SDK1: variants seen among roughly 807,000 people sequenced by gnomAD.
SDK1 encodes sidekick cell adhesion molecule 1, also known as protein sidekick-1.
Under a neutral mutation model 245.5 loss-of-function variants are expected in SDK1, and 157 were observed. The observed-to-expected ratio is 0.64, with a 90% CI of 0.56 to 0.73. The LOEUF is 0.73. SDK1 is among the 30% of genes least tolerant of loss of function. SDK1 has a pLI of 0.00. For synonymous variants in SDK1, 1,647 were observed against 1,278.5 expected, an observed-to-expected ratio of 1.29 and a Z score of -6.15; for missense variants, 3,583 against 3,002.3, an observed-to-expected ratio of 1.19 and a Z score of -4.52.
chr7:3,686,594 T>C (rs1466482097), intron 4 of SDK1, among the ~76,000 whole-genome samples: 2 of 151,014 alleles, frequency 1.3e-5, no homozygotes, highest in Non-Finnish European at 2.9e-5. Flanking sequence ...TAAATCTAAA[T>C]ATGCAGGTAC....
chr7:4,047,734 T>G (rs1215387466), intron 17 of SDK1, among the ~76,000 whole-genome samples: 1 of 152,218 alleles, frequency 6.6e-6, no homozygotes, highest in Non-Finnish European at 1.5e-5. Flanking sequence ...TCCTGACTCC[T>G]TGGACAGGCC....
intron 1 of SDK1, among the ~76,000 whole-genome samples, chr7:3,462,775 A>G (rs1350148258): frequency 2.0e-5 from 3 of 152,122 alleles, no homozygotes; most frequent in African/African-American, 7.2e-5. Flanking sequence ...GCAAGCTGTC[A>G]TCATCTCTTT....
At chr7:3,693,939 C>G (rs765295417) in intron 4 of SDK1, among the ~76,000 whole-genome samples, 1 of 152,208 alleles carries the variant, frequency 6.6e-6, no homozygotes, top group Non-Finnish European at 1.5e-5. Context: ...CATGCTCTGA[C>G]ACTCAGCTGC....
chr7:3,749,814 A>C (rs1353152641), intron 4 of SDK1, among the ~76,000 whole-genome samples: 1 of 152,154 alleles, frequency 6.6e-6, no homozygotes, highest in Admixed American at 6.5e-5. Context: ...ATCCCAAGGC[A>C]GAAGCTGTCT....
Position 3,403,880 on chromosome 7 carries a change from T to TTTATATATATATA in SDK1, c.298+101997_298+101998insTATATATATATAT, listed in dbSNP as rs1778979578. ...ATATATATATATATAATATATATATTTATTTATATTATATATATATTTATT... is the reference window on the plus strand; with the variant it reads ...ATATATATATATATAATATATATATTTTATATATATATATATTTATATTATATATATATTTATT... On this transcript the variant is annotated intron_variant, in intron 1 of 44. Coordinates refer to ENST00000404826, the MANE Select transcript of SDK1 (RefSeq NM_152744.4). Among the ~76,000 whole-genome samples the TTTATATATATATA allele has an allele frequency of 3.4e-4, 41 of 119,802 alleles. 2 individuals carry two copies. The South Asian group carries it at 9.6e-3, about 28-fold the overall frequency. The allele number at this position is 119,802 out of a possible 152,430, so 78.6% of individuals were successfully genotyped here.
chr7:4,053,506 G>A (rs1207196465), intron 19 of SDK1, among the ~76,000 whole-genome samples: 1 of 151,960 alleles, frequency 6.6e-6, no homozygotes, highest in South Asian at 2.1e-4. Context: ...CCACAAATAT[G>A]TTCAGGTCTC....
At chr7:3,814,074 C>G (rs1394342777) in intron 4 of SDK1, among the ~76,000 whole-genome samples, 1 of 131,920 alleles carries the variant, frequency 7.6e-6, no homozygotes, top group South Asian at 2.6e-4. Context: ...CCTGTTCACT[C>G]TGATGGTAGT....
At chr7:3,541,223 G>C (rs1779045430) in intron 1 of SDK1, among the ~76,000 whole-genome samples, 1 of 152,226 alleles carries the variant, frequency 6.6e-6, no homozygotes, top group East Asian at 1.9e-4. Flanking sequence ...TAATTGTCGA[G>C]AGTTTATAAG....
chr7:4,004,681 G>A (rs1562652766), intron 14 of SDK1, among the ~76,000 whole-genome samples: 2 of 152,172 alleles, frequency 1.3e-5, no homozygotes, highest in Admixed American at 6.5e-5. Context: ...TTGCTAGAGT[G>A]TTTTAAAGGA....
intron 4 of SDK1, among the ~76,000 whole-genome samples, chr7:3,718,471 A>G (rs1033061322): frequency 2.6e-5 from 4 of 151,634 alleles, no homozygotes; most frequent in African/African-American, 9.7e-5. Flanking sequence ...GCAGTGAGCC[A>G]TGTTTGCACC....
chr7:3,427,522 A>C (rs1369903031), intron 1 of SDK1, among the ~76,000 whole-genome samples: 18 of 69,018 alleles, frequency 2.6e-4, no homozygotes, highest in East Asian at 6.7e-4. Flanking sequence ...TCCATCTCCC[A>C]AAAAAAAAAA....
rs535381743 is a variant in SDK1 at position 3,434,989 on chromosome 7, T to G, written c.298+133105T>G. Among the ~76,000 whole-genome samples the G allele has an allele frequency of 1.5e-4, 23 of 152,318 alleles. No homozygotes were observed. In the South Asian group the frequency reaches 4.8e-3, roughly 32 times the overall value. On this transcript the variant is annotated intron_variant, in intron 1 of 44. Coordinates refer to ENST00000404826, the MANE Select transcript of SDK1 (RefSeq NM_152744.4). Reference sequence around the variant, plus strand: ...ATTTTACAACAATTTTTGAATACTTTTCCTAACTGTCAAATCTCCGTCTGG... The same window carrying G: ...ATTTTACAACAATTTTTGAATACTTGTCCTAACTGTCAAATCTCCGTCTGG...
chr7:3,536,052 G>A lies in SDK1; in HGVS notation c.299-83028G>A, dbSNP rs547127516. Among the ~76,000 whole-genome samples the A allele has an allele frequency of 2.6e-4, 38 of 146,716 alleles. 1 individual carries two copies. The East Asian group carries it at 6.8e-3, about 26-fold the overall frequency. On this transcript the variant is annotated intron_variant, in intron 1 of 44. Coordinates refer to ENST00000404826, the MANE Select transcript of SDK1 (RefSeq NM_152744.4). ...CCCCCCTGCATGTTTGACTTGTGCT[G>A]GCAGAATAATTTTTTTTTTTCTTAG...
chr7:4,181,496 G>T (rs1371690468), intron 35 of SDK1, among the ~76,000 whole-genome samples: 2 of 152,164 alleles, frequency 1.3e-5, no homozygotes, highest in East Asian at 3.9e-4. Flanking sequence ...CGGCCTCTGA[G>T]GTTAGCATCA....
At chr7:4,019,284 A>G (rs1021430334) in intron 17 of SDK1, among the ~76,000 whole-genome samples, 1 of 152,216 alleles carries the variant, frequency 6.6e-6, no homozygotes, top group Non-Finnish European at 1.5e-5. Context: ...CAGAAATCAC[A>G]CAGGCCACAA....
intron 1 of SDK1, among the ~76,000 whole-genome samples, chr7:3,492,011 A>G (rs531146407): frequency 5.2e-4 from 79 of 152,314 alleles, no homozygotes; most frequent in African/African-American, 1.8e-3. Context: ...GTTTTCTTCC[A>G]ATTTACATTG....
chr7:3,680,659 C>G (rs59709386), intron 4 of SDK1, among the ~76,000 whole-genome samples: 11,886 of 152,084 alleles, frequency 0.078, 982 homozygotes, highest in East Asian at 0.41. Context: ...TTTTAAAATA[C>G]AGGTTTGCAT....
At chr7:3,881,488 TCATC>T (rs1250692333) in intron 5 of SDK1, among the ~76,000 whole-genome samples, 2 of 152,248 alleles carry the variant, frequency 1.3e-5, no homozygotes, top group African/African-American at 2.4e-5. Flanking sequence ...CACATTTTCT[TCATC>T]CATTCTATCA....
intron 5 of SDK1, among the ~76,000 whole-genome samples, chr7:3,906,764 A>C (rs565269536): frequency 6.6e-6 from 1 of 151,398 alleles, no homozygotes; most frequent in East Asian, 2.0e-4. Flanking sequence ...AGTAGCTGGG[A>C]CTACAGGTGC....
Sources: allele counts gnomAD v4.1 joint callset (sites outside exome capture counted in the v4.1 genomes callset), GRCh38; gene constraint gnomAD v4.1.1; transcripts MANE v1.5; gene names NCBI Gene and HGNC (gene_info 2026-07-23, HGNC 2026-07-21).